Variants in YLPM1 observed in about 807,000 individuals in gnomAD.
The protein encoded by YLPM1 is YLP motif-containing protein 1.
A neutral mutation model predicts 230.0 loss-of-function variants in YLPM1; 99 were observed. The ratio of observed to expected loss-of-function variants is 0.43; its 90% CI spans 0.37 to 0.51. YLPM1 has a LOEUF of 0.51. YLPM1 is among the 20% of genes least tolerant of loss of function. YLPM1 has a pLI of 0.00. For missense variants in YLPM1, 2,592 were observed against 2,707.7 expected (o/e 0.96, Z 0.95); for synonymous variants, 984 against 942.5 (o/e 1.04, Z -0.81).
At position 74,798,188 on chromosome 14, in the gene YLPM1, G is replaced by C. The variant is rs191059059; in HGVS notation, c.2891G>C (p.Gly964Ala). Residue 964 changes from glycine (G) to alanine (A), a missense_variant, in exon 5 of 21, where the codon GGG becomes GCG. Around this residue, in one of 4 missense-constraint regions of YLPM1, gnomAD observed 1,862 missense variants for 1,819.8 expected, o/e 1.02. Transcript: ENST00000325680. ...AQSTFPSKTG[G>A]MEGGTAVATS... ...TCTACTTTTCCTTCAAAAACAGGGGGGATGGAGGGAGGAACAGCAGTAGCA... is the reference window on the plus strand; with the variant it reads ...TCTACTTTTCCTTCAAAAACAGGGGCGATGGAGGGAGGAACAGCAGTAGCA... 413 of 1,613,920 alleles carry C rather than the reference G, an allele frequency of 2.6e-4. No individual in the cohort carries two copies. In the African/African-American group the frequency reaches 5.0e-3, roughly 19 times the overall value.
rs769066553 is a variant in YLPM1 at position 74,781,677 on chromosome 14, C to T, written c.1634C>T (p.Pro545Leu). ...GTGTTGCCTCCTTCATTGCCACCAC[C>T]AGTGATGCCCCCTGCCCTCCCTGCT... The part of the protein sequence containing the change: ...PPVLPPSLPP[P>L]VMPPALPATV... Residue 545 changes from proline (P) to leucine (L), a missense_variant, in exon 4 of 21, where the codon CCA (proline) becomes CTA (leucine). By Grantham distance (98) the Pro-to-Leu change is moderately conservative. Transcript: ENST00000325680. 1 of 1,613,298 alleles carries T rather than the reference C, an allele frequency of 6.2e-7. No individual in the cohort carries two copies. Among genetic ancestry groups the T allele is most frequent in the South Asian group, 1.1e-5 (1 of 91,014 alleles).
At chr14:74,825,733 A>G (rs2091556394) in intron 18 of YLPM1, among the ~76,000 whole-genome samples, 1 of 152,140 alleles carries the variant, frequency 6.6e-6, no homozygotes, top group African/African-American at 2.4e-5. Flanking sequence ...AGAGATCATA[A>G]ATAAAGATAG....
intron 1 of YLPM1, among the ~76,000 whole-genome samples, chr14:74,769,107 G>A (rs1029873600): frequency 2.0e-5 from 3 of 149,740 alleles, no homozygotes; most frequent in Non-Finnish European, 3.0e-5. Flanking sequence ...ATGGAGTCTC[G>A]CTCTGTTGCC....
chr14:74,786,997 G>C (rs934632664), intron 4 of YLPM1, among the ~76,000 whole-genome samples: 1 of 152,210 alleles, frequency 6.6e-6, no homozygotes, highest in Non-Finnish European at 1.5e-5. Flanking sequence ...AGCAATCCTA[G>C]TGGATGTTTA....
At chr14:74,795,942 G>C (rs1438411415) in intron 4 of YLPM1, among the ~76,000 whole-genome samples, 2 of 152,230 alleles carry the variant, frequency 1.3e-5, no homozygotes, top group African/African-American at 4.8e-5. Context: ...GTCAGAACCA[G>C]CATGAAAAAG....
Position 74,797,800 on chromosome 14 carries a change from C to G in YLPM1, c.2503C>G (p.Pro835Ala). The G allele has an allele frequency of 6.2e-7, 1 of 1,613,900 alleles. No homozygotes were observed. The highest frequency in any genetic ancestry group is 1.3e-5 in the African/African-American group (1 of 74,996). Residue 835 changes from proline to alanine, a missense_variant, in exon 5 of 21, where the codon CCA becomes GCA. Pro to Ala is a conservative substitution (Grantham distance 27). Around this residue, in one of 4 missense-constraint regions of YLPM1, gnomAD observed 1,862 missense variants for 1,819.8 expected, o/e 1.02. Transcript: ENST00000325680. The stretch of plus-strand genomic sequence containing the variant: ...ATCCCTAAGTCCTCGACAGAGTGGA[C>G]CACAGTGGAAAGGCCCCAAACCAGC... Reference protein sequence around the residue: ...STSLSPRQSGPQWKGPKPAFG... With the variant: ...STSLSPRQSGAQWKGPKPAFG...
chr14:74,778,434 GT>G lies in YLPM1; in HGVS notation c.874-10del. 1 of 1,574,934 alleles carries G rather than the reference GT, an allele frequency of 6.3e-7. No homozygotes were observed. Among genetic ancestry groups the G allele is most frequent in the Non-Finnish European group, 8.6e-7 (1 of 1,160,200 alleles). ...TTGTCAATCAAAATTCTCAAAAATTGTTTCTGTTGTAGGAACAGCAGCAGTA... is the reference window on the plus strand; with the variant it reads ...TTGTCAATCAAAATTCTCAAAAATTGTTCTGTTGTAGGAACAGCAGCAGTA... On this transcript the variant is annotated splice_polypyrimidine_tract_variant and intron_variant, in intron 1 of 20. Transcript: ENST00000325680.
intron 1 of YLPM1, among the ~76,000 whole-genome samples, chr14:74,778,055 A>C (rs756832637): frequency 1.3e-5 from 2 of 152,172 alleles, no homozygotes; most frequent in Non-Finnish European, 2.9e-5. Flanking sequence ...CTGTTCAGTT[A>C]TATTCATTAA....
chr14:74,830,541 TTAAC>T (rs1335513870), intron 19 of YLPM1, among the ~76,000 whole-genome samples: 2 of 152,208 alleles, frequency 1.3e-5, no homozygotes, highest in East Asian at 3.8e-4. Flanking sequence ...AATCAGTTAT[TTAAC>T]TAGTCCCTTT....
At position 74,782,170 on chromosome 14, in the gene YLPM1, G is replaced by A. The variant is rs1398930388; in HGVS notation, c.2127G>A (p.Leu709=). The change falls in exon 4 of 21, where the codon CTG becomes CTA. Residue 709 remains leucine, a synonymous_variant. Coordinates refer to ENST00000325680, the MANE Select transcript of YLPM1 (RefSeq NM_019589.3). ...NSKAPLSKSA[L]PYSSFSSDQG... Reference sequence around the variant, plus strand: ...AAGCTCCTTTGAGCAAGTCTGCTCTGCCATACAGTTCATTCTCATCTGATC... The same window carrying A: ...AAGCTCCTTTGAGCAAGTCTGCTCTACCATACAGTTCATTCTCATCTGATC... 13 of 1,611,634 alleles carry A rather than the reference G, an allele frequency of 8.1e-6. No individual in the cohort carries two copies.
intron 11 of YLPM1, among the ~76,000 whole-genome samples, chr14:74,815,833 C>T (rs1354851317): frequency 6.6e-6 from 1 of 151,996 alleles, no homozygotes; most frequent in African/African-American, 2.4e-5. Context: ...ATCCTGTAAG[C>T]TTTGGTGTGT....
intron 1 of YLPM1, among the ~76,000 whole-genome samples, chr14:74,771,887 T>G (rs952799000): frequency 2.0e-5 from 3 of 152,212 alleles, no homozygotes; most frequent in Non-Finnish European, 2.9e-5. Flanking sequence ...TAAGCTTATC[T>G]GGTGACCCTG....
chr14:74,823,150 G>A (rs1429132316), intron 17 of YLPM1, among the ~76,000 whole-genome samples: 1 of 148,600 alleles, frequency 6.7e-6, no homozygotes, highest in African/African-American at 2.5e-5. Flanking sequence ...ATAGGATTAT[G>A]CTCTAGTAAA....
intron 6 of YLPM1, among the ~76,000 whole-genome samples, chr14:74,805,566 G>T (rs986444116): frequency 6.6e-6 from 1 of 151,840 alleles, no homozygotes; most frequent in Non-Finnish European, 1.5e-5. Flanking sequence ...GCCCAGGCTG[G>T]TCTCGAACTC....
intron 17 of YLPM1, among the ~76,000 whole-genome samples, chr14:74,823,733 G>A (rs1377957933): frequency 1.3e-5 from 2 of 151,994 alleles, no homozygotes; most frequent in Non-Finnish European, 1.5e-5. Flanking sequence ...CTTCCTAATC[G>A]GGTAATTGGG....
At chr14:74,815,759 C>T (rs1254929118) in intron 11 of YLPM1, among the ~76,000 whole-genome samples, 1 of 151,728 alleles carries the variant, frequency 6.6e-6, no homozygotes, top group Non-Finnish European at 1.5e-5. Flanking sequence ...GATTTGAGAC[C>T]TATTTCTTTC....
chr14:74,770,963 A>G (rs1566736726), intron 1 of YLPM1, among the ~76,000 whole-genome samples: 6 of 152,202 alleles, frequency 3.9e-5, no homozygotes. Flanking sequence ...GATGGAGAGA[A>G]GTGGGAAGAG....
chr14:74,805,631 G>A (rs1311682081), intron 6 of YLPM1, among the ~76,000 whole-genome samples: 1 of 151,696 alleles, frequency 6.6e-6, no homozygotes. Flanking sequence ...GATTACAGGT[G>A]TGAGCCCCTG....
In YLPM1 at chr14:74,835,664, A is replaced by G. The variant is rs1237449752; in HGVS notation, c.*37-111A>G. ...CACTTATAAAAATAAAAACCTTGAG[A>G]AAAACTTGAATTCTATAGATTTGGG... On this transcript the variant is annotated intron_variant, in intron 20 of 20. Coordinates refer to ENST00000325680, the MANE Select transcript of YLPM1 (RefSeq NM_019589.3). 1.1e-5 allele frequency: 5 copies of G among 457,476 alleles called. No individual in the cohort carries two copies. In the East Asian group the frequency reaches 2.3e-4, roughly 21 times the overall value. 28.3% of individuals were successfully genotyped at this position (457,476 alleles called of 1,614,324 possible).
Sources: allele counts gnomAD v4.1 joint callset (sites outside exome capture counted in the v4.1 genomes callset), GRCh38; gene constraint gnomAD v4.1.1; regional missense constraint gnomAD v4.1.1; transcripts MANE v1.5; gene names NCBI Gene and HGNC (gene_info 2026-07-23, HGNC 2026-07-21).